The following MPPED2 variants were observed in gnomAD, a reference collection of about 807,000 sequenced individuals.
The protein encoded by MPPED2 is metallophosphoesterase MPPED2.
In MPPED2, 5 loss-of-function variants were observed where a neutral mutation model predicts 33.0. The ratio of observed to expected loss-of-function variants is 0.15; its 90% CI spans 0.08 to 0.32. The LOEUF (loss-of-function observed/expected upper bound fraction) is 0.32. MPPED2 is among the 10% of genes least tolerant of loss of function. The probability of loss-of-function intolerance (pLI) is 1.00; values close to 1 mark genes in which losing one functional copy is unlikely to be tolerated. For missense variants in MPPED2, 275 were observed against 372.1 expected (o/e 0.74, Z 2.15); for synonymous variants, 136 against 141.9 (o/e 0.96, Z 0.29).
chr11:30,557,288 T>C (rs1439022860), intron 2 of MPPED2, among the ~76,000 whole-genome samples: 1 of 150,046 alleles, frequency 6.7e-6, no homozygotes, highest in African/African-American at 2.5e-5. Flanking sequence ...TTAAAGTAAG[T>C]TTTAGAATAT....
chr11:30,514,444 C>G (rs1292040041), intron 3 of MPPED2, among the ~76,000 whole-genome samples: 1 of 152,062 alleles, frequency 6.6e-6, no homozygotes, highest in Non-Finnish European at 1.5e-5. Context: ...CTGAAAGAAC[C>G]CGAGTTCCTG....
chr11:30,470,954 T>A (rs1950922027), intron 4 of MPPED2, among the ~76,000 whole-genome samples: 1 of 152,172 alleles, frequency 6.6e-6, no homozygotes, highest in Admixed American at 6.5e-5. Context: ...ATGTGCCACC[T>A]AGAAAGGGTG....
Position 30,513,146 on chromosome 11 carries a change from T to G in MPPED2, c.311-17625A>C, listed in dbSNP as rs541273157. ...TTTGCATCTCTAATGAGAGACAAGA[T>G]CTCAGTGACCAGCATTACCCTAGCA... On this transcript the variant is annotated intron_variant, in intron 3 of 6. Transcript: ENST00000358117. 8.9e-4 allele frequency among the ~76,000 whole-genome samples: 136 copies of G among 152,232 alleles called. 1 individual carries two copies. Among genetic ancestry groups the G allele is most frequent in the African/African-American group, 3.1e-3 (127 of 41,544 alleles).
chr11:30,536,519 TTCTC>T (rs1321569777), intron 2 of MPPED2, among the ~76,000 whole-genome samples: 1 of 152,210 alleles, frequency 6.6e-6, no homozygotes, highest in Non-Finnish European at 1.5e-5. Flanking sequence ...ATTATGCTAT[TTCTC>T]TCTCATCATG....
At chr11:30,509,204 A>C (rs1311081844) in intron 3 of MPPED2, among the ~76,000 whole-genome samples, 3 of 152,184 alleles carry the variant, frequency 2.0e-5, no homozygotes, top group Non-Finnish European at 4.4e-5. Context: ...GGAAAGGCAA[A>C]AGAGGGCAAA....
intron 2 of MPPED2, among the ~76,000 whole-genome samples, chr11:30,560,465 C>A (rs572382240): frequency 6.6e-6 from 1 of 152,082 alleles, no homozygotes; most frequent in Admixed American, 6.5e-5. Context: ...ACTTGCTACA[C>A]GGCATGAGAT....
At chr11:30,399,159 A>G (rs1049942009) in intron 6 of MPPED2, among the ~76,000 whole-genome samples, 5 of 85,686 alleles carry the variant, frequency 5.8e-5, no homozygotes, top group African/African-American at 1.1e-4. Flanking sequence ...AAAAGATCCA[A>G]TACTTTTTTT....
intron 2 of MPPED2, among the ~76,000 whole-genome samples, chr11:30,568,048 T>A (rs1031426581): frequency 2.6e-5 from 4 of 152,206 alleles, no homozygotes; most frequent in Non-Finnish European, 5.9e-5. Flanking sequence ...AAGCTCATGT[T>A]AATGTTTTAG....
chr11:30,451,836 T>G (rs1240376915), intron 4 of MPPED2: 18 of 985,196 alleles, frequency 1.8e-5, no homozygotes, highest in Non-Finnish European at 2.2e-5. Context: ...CAGGCTGCGG[T>G]GGGAAGTCAG....
intron 2 of MPPED2, among the ~76,000 whole-genome samples, chr11:30,552,616 C>T (rs951912237): frequency 6.6e-6 from 1 of 151,836 alleles, no homozygotes; most frequent in South Asian, 2.1e-4. Context: ...TTTGTTTTTT[C>T]TCTCTCTCTC....
chr11:30,427,805 T>G (rs1451683984), intron 4 of MPPED2, among the ~76,000 whole-genome samples: 1 of 152,238 alleles, frequency 6.6e-6, no homozygotes, highest in Non-Finnish European at 1.5e-5. Context: ...ATGGGTGATG[T>G]GAATTTTTTT....
At chr11:30,446,276 A>G (rs1949805560) in intron 4 of MPPED2, among the ~76,000 whole-genome samples, 1 of 152,148 alleles carries the variant, frequency 6.6e-6, no homozygotes, top group Non-Finnish European at 1.5e-5. Context: ...TCTCCTGAAA[A>G]GACTCATCAT....
chr11:30,516,267 T>C (rs1953529478), intron 3 of MPPED2, among the ~76,000 whole-genome samples: 1 of 152,130 alleles, frequency 6.6e-6, no homozygotes, highest in Admixed American at 6.5e-5. Context: ...GAAAAAACAG[T>C]GTGCATTCAT....
At chr11:30,458,738 T>C (rs1269942446) in intron 4 of MPPED2, among the ~76,000 whole-genome samples, 1 of 152,090 alleles carries the variant, frequency 6.6e-6, no homozygotes, top group Non-Finnish European at 1.5e-5. Flanking sequence ...AAGGTTCTGA[T>C]TCATGTCTAA....
chr11:30,560,961 G>A (rs1403330846), intron 2 of MPPED2, among the ~76,000 whole-genome samples: 1 of 152,168 alleles, frequency 6.6e-6, no homozygotes, highest in East Asian at 1.9e-4. Flanking sequence ...GCTTAACAAC[G>A]TGGCTTCTTG....
Position 30,411,426 on chromosome 11 carries a change from T to C in MPPED2, c.*42A>G. ...AAGTTTATAATTAGAAAAATGGCAGTTTATAGACCTTCCCTCACATTCCAA... is the reference window on the plus strand; with the variant it reads ...AAGTTTATAATTAGAAAAATGGCAGCTTATAGACCTTCCCTCACATTCCAA... On this transcript the variant is annotated 3_prime_UTR_variant, in exon 7 of 7. Transcript: ENST00000358117. 1 of 1,582,788 alleles carries C rather than the reference T, an allele frequency of 6.3e-7. No homozygotes were observed. The highest frequency in any genetic ancestry group is 8.6e-7 in the Non-Finnish European group (1 of 1,161,492).
At chr11:30,495,222 A>T (rs1952198049) in intron 4 of MPPED2, 74 bp downstream of exon 4, 2 of 1,009,274 alleles carry the variant, frequency 2.0e-6, no homozygotes, top group Admixed American at 1.8e-5. Context: ...CATTTAAAGC[A>T]TCTAAATCTG....
intron 2 of MPPED2, among the ~76,000 whole-genome samples, chr11:30,557,757 T>C (rs1956048881): frequency 6.6e-6 from 1 of 152,294 alleles, no homozygotes; most frequent in Admixed American, 6.5e-5. Flanking sequence ...GTCCAACATA[T>C]TTGAAGATAA....
chr11:30,410,406 C>T lies in MPPED2; in HGVS notation c.*1062G>A, dbSNP rs575447980. The T allele has an allele frequency of 1.7e-5, 17 of 985,624 alleles. No individual in the cohort carries two copies. In the East Asian group the frequency reaches 8.0e-4, roughly 46 times the overall value. 61.1% of individuals were successfully genotyped at this position (985,624 alleles called of 1,614,324 possible). On this transcript the variant is annotated 3_prime_UTR_variant, in exon 7 of 7. Coordinates refer to ENST00000358117, the MANE Select transcript of MPPED2 (RefSeq NM_001584.3). ...TATTAGCGACAATATTTTGTGCTAG[C>T]GAAGATTGCATCGACACACAGTGCA...
Sources: allele counts gnomAD v4.1 joint callset (sites outside exome capture counted in the v4.1 genomes callset), GRCh38; gene constraint gnomAD v4.1.1; transcripts MANE v1.5; gene names NCBI Gene and HGNC (gene_info 2026-07-23, HGNC 2026-07-21).